The following SPNS3 variants were observed in gnomAD, a reference collection of about 807,000 sequenced individuals.
The protein encoded by SPNS3 is SPNS lysolipid transporter 3, sphingosine-1-phosphate (putative).
A neutral mutation model predicts 54.4 loss-of-function variants in SPNS3; 51 were observed. That is an observed-to-expected ratio of 0.94 (90% CI 0.75 to 1.18). The LOEUF (loss-of-function observed/expected upper bound fraction) is 1.18. Among genes scored for constraint, SPNS3 ranks in the 50% most tolerant of loss-of-function variants. The pLI, the probability that SPNS3 is intolerant of heterozygous loss-of-function variation, is 0.00. For missense variants in SPNS3, 669 were observed against 677.4 expected (o/e 0.99, Z 0.14); for synonymous variants, 309 against 294.7 (o/e 1.05, Z -0.50).
In SPNS3 at chr17:4,478,572, G is replaced by GCCCTC; in HGVS notation, c.1114_1115insCCCTC (p.Val372AlafsTer97). The stretch of plus-strand genomic sequence containing the variant: ...CACCCAGGCCACCCTCTGTCCACAG[G>GCCCTC]TGTTCCTGGGCCTTGGGGAGCTGCT... On this transcript the variant is annotated frameshift_variant and splice_region_variant, in exon 9 of 12. Transcript: ENST00000355530. LOFTEE classifies it high-confidence loss of function. 1 of 1,572,574 alleles carries GCCCTC rather than the reference G, an allele frequency of 6.4e-7. No homozygotes were observed.
Position 4,444,411 on chromosome 17 carries a change from T to G in SPNS3, c.266-621T>G, listed in dbSNP as rs143133414. ...TTTGTATTTTTTTTTTTAGTAGAGA[T>G]GGGGTTTCACTATGTTGCCCAGGCT... On this transcript the variant is annotated intron_variant, in intron 2 of 11. Coordinates refer to ENST00000355530, the MANE Select transcript of SPNS3 (RefSeq NM_182538.5). Among the ~76,000 whole-genome samples the G allele has an allele frequency of 7.9e-3, 1,198 of 151,674 alleles. 17 individuals carry two copies. Among genetic ancestry groups the G allele is most frequent in the African/African-American group, 0.027 (1,126 of 41,366 alleles).
At chr17:4,440,339 CAT>C (rs1970817852) in intron 2 of SPNS3, among the ~76,000 whole-genome samples, 1 of 152,216 alleles carries the variant, frequency 6.6e-6, no homozygotes, top group African/African-American at 2.4e-5. Flanking sequence ...TGTGCACACA[CAT>C]GGTCACAACA....
Position 4,468,767 on chromosome 17 carries a change from T to TTCTTTCTC in SPNS3, c.1114-9800_1114-9799insCTCTCTTT, listed in dbSNP as rs760900558. Among the ~76,000 whole-genome samples, 583 of 104,736 alleles carry TTCTTTCTC rather than the reference T, an allele frequency of 5.6e-3. 1 individual carries two copies. Among genetic ancestry groups the TTCTTTCTC allele is most frequent in the Non-Finnish European group, 8.9e-3 (473 of 53,084 alleles). The allele number at this position is 104,736 out of a possible 152,430, so 68.7% of individuals were successfully genotyped here. On this transcript the variant is annotated intron_variant, in intron 8 of 11. Transcript: ENST00000355530. The stretch of plus-strand genomic sequence containing the variant: ...TTTCTTTCTTTCTTTCTTTCTCTCT[T>TTCTTTCTC]TCTTTTTCTTTCTTTCTCTCTCTCT...
At chr17:4,476,072 C>T (rs773154258) in intron 8 of SPNS3, among the ~76,000 whole-genome samples, 61 of 152,186 alleles carry the variant, frequency 4.0e-4, no homozygotes, top group African/African-American at 1.2e-3. Flanking sequence ...GGGCTGCGCC[C>T]GTCCACCCCA....
In SPNS3 at chr17:4,442,028, G is replaced by A. The variant is rs187887439; in HGVS notation, c.265+2305G>A. Among the ~76,000 whole-genome samples, 133 of 147,750 alleles carry A rather than the reference G, an allele frequency of 9.0e-4. No individual in the cohort carries two copies. The East Asian group carries it at 0.023, about 25-fold the overall frequency. ...TGTGTGTGTGTGTGTTTGGCAGTAGGTGAAGAGAAAGGTCATCTTTGCAGA... is the reference window on the plus strand; with the variant it reads ...TGTGTGTGTGTGTGTTTGGCAGTAGATGAAGAGAAAGGTCATCTTTGCAGA... On this transcript the variant is annotated intron_variant, in intron 2 of 11. Coordinates refer to ENST00000355530, the MANE Select transcript of SPNS3 (RefSeq NM_182538.5).
chr17:4,475,928 C>T (rs950845542), intron 8 of SPNS3, among the ~76,000 whole-genome samples: 1 of 152,202 alleles, frequency 6.6e-6, no homozygotes, highest in Non-Finnish European at 1.5e-5. Context: ...AGCGGGGTTA[C>T]CATCTTAACA....
chr17:4,453,157 C>A lies in SPNS3; in HGVS notation c.1065C>A (p.Cys355Ter). 2 of 1,614,012 alleles carry A rather than the reference C, an allele frequency of 1.2e-6. No homozygotes were observed. Among genetic ancestry groups the A allele is most frequent in the Non-Finnish European group, 1.7e-6 (2 of 1,179,992 alleles). ...CASSLLATAPCLYLALVLAPT... is the reference protein window; with the variant it reads ...CASSLLATAP ...CCAGCCTGCTTGCCACAGCCCCCTG[C>A]CTCTACCTGGCTCTCGTCCTGGCCC... The change falls in exon 8 of 12, where the codon TGC becomes TGA. Residue 355 changes from cysteine to a stop codon, truncating the protein, a stop_gained. Coordinates refer to ENST00000355530, the MANE Select transcript of SPNS3 (RefSeq NM_182538.5). LOFTEE classifies it high-confidence loss of function.
chr17:4,458,336 CCTCCCTCT>C (rs1012569547), intron 8 of SPNS3, among the ~76,000 whole-genome samples: 2 of 150,282 alleles, frequency 1.3e-5, no homozygotes. Flanking sequence ...TCTTTCCCTC[CCTCCCTCT>C]CTCCCTTCCT....
intron 2 of SPNS3, among the ~76,000 whole-genome samples, chr17:4,442,757 A>G (rs1479764370): frequency 6.6e-6 from 1 of 152,186 alleles, no homozygotes. Flanking sequence ...AGGTTTTACT[A>G]TTATGTCCAT....
At chr17:4,456,105 C>G (rs1305234980) in intron 8 of SPNS3, among the ~76,000 whole-genome samples, 1 of 152,140 alleles carries the variant, frequency 6.6e-6, no homozygotes, top group African/African-American at 2.4e-5. Context: ...GCGTGCACCA[C>G]CACACCAGGC....
chr17:4,456,155 T>C (rs2101832), intron 8 of SPNS3, among the ~76,000 whole-genome samples: 35,600 of 151,988 alleles, frequency 0.23, 5,285 homozygotes, highest in African/African-American at 0.42. Context: ...TTTTGCCATG[T>C]TGCCCAGCCT....
At chr17:4,469,376 T>G (rs1446850375) in intron 8 of SPNS3, among the ~76,000 whole-genome samples, 5 of 152,172 alleles carry the variant, frequency 3.3e-5, no homozygotes, top group Non-Finnish European at 5.9e-5. Context: ...CGTGAGCCAC[T>G]GTGCCTGGCC....
At chr17:4,434,380 C>T (rs1294009961) in intron 1 of SPNS3, among the ~76,000 whole-genome samples, 1 of 152,214 alleles carries the variant, frequency 6.6e-6, no homozygotes, top group East Asian at 1.9e-4. Context: ...GGGACACAGG[C>T]TGGGCATGGT....
chr17:4,458,540 CTTCCT>C (rs1971385776), intron 8 of SPNS3, among the ~76,000 whole-genome samples: 1 of 97,240 alleles, frequency 1.0e-5, no homozygotes, highest in African/African-American at 3.0e-5. Flanking sequence ...TCCTTCCTTC[CTTCCT>C]TTCCTTCCTT....
chr17:4,471,717 C>G (rs777807597), intron 8 of SPNS3, among the ~76,000 whole-genome samples: 1 of 152,102 alleles, frequency 6.6e-6, no homozygotes, highest in African/African-American at 2.4e-5. Context: ...CCACCCTCCT[C>G]GGCCTCCCAA....
intron 11 of SPNS3, 64 bp from the exon 12 acceptor site, chr17:4,487,742 C>A: frequency 6.7e-7 from 1 of 1,495,616 alleles, no homozygotes; most frequent in Non-Finnish European, 9.3e-7. Flanking sequence ...GTGCCCAGGC[C>A]CAGGCCTGGT....
chr17:4,476,282 C>G (rs541789961), intron 8 of SPNS3, among the ~76,000 whole-genome samples: 1 of 152,206 alleles, frequency 6.6e-6, no homozygotes, highest in African/African-American at 2.4e-5. Context: ...GACCTGGCAT[C>G]GTCGGGCGGC....
chr17:4,488,152 TG>T lies in SPNS3; in HGVS notation c.*261del, dbSNP rs1567581309. The T allele has an allele frequency of 1.9e-6, 1 of 537,796 alleles. No individual in the cohort carries two copies. Among genetic ancestry groups the T allele is most frequent in the Non-Finnish European group, 3.4e-6 (1 of 297,840 alleles). The allele number at this position is 537,796 out of a possible 1,614,324, so 33.3% of individuals were successfully genotyped here. A position where few individuals can be genotyped will look rare whatever the true frequency, so the allele number is the denominator to read the frequency against. ...CTGGGGTCTCCAGCCTGGCTGCTGCTGGGCCCTGAATAAAGAGAGGCCAGTA... is the reference window on the plus strand; with the variant it reads ...CTGGGGTCTCCAGCCTGGCTGCTGCTGGCCCTGAATAAAGAGAGGCCAGTA... On this transcript the variant is annotated 3_prime_UTR_variant, in exon 12 of 12. Transcript: ENST00000355530.
intron 8 of SPNS3, among the ~76,000 whole-genome samples, chr17:4,466,138 T>C (rs1191435581): frequency 6.6e-6 from 1 of 152,266 alleles, no homozygotes; most frequent in African/African-American, 2.4e-5. Flanking sequence ...CACTCACTTA[T>C]GAAATCTTTC....
Sources: gnomAD v4.1 joint callset for allele counts (sites outside exome capture counted in the v4.1 genomes callset) on GRCh38, gnomAD v4.1.1 for gene constraint, MANE v1.5 for transcripts, NCBI Gene and HGNC (gene_info 2026-07-23, HGNC 2026-07-21) for gene names.